NF1: variants seen among roughly 807,000 people sequenced by gnomAD.
The protein encoded by NF1 is neurofibromin 1, also known as neurofibromin.
NF1 carries 122 observed loss-of-function variants against 325.7 expected under a neutral mutation model. The observed-to-expected ratio is 0.37, with a 90% CI of 0.32 to 0.44. The LOEUF is 0.44. Among genes scored for constraint, NF1 ranks in the 20% least tolerant of loss-of-function variants. The pLI, the probability that NF1 is intolerant of heterozygous loss-of-function variation, is 1.00. For synonymous variants in NF1, 1,091 were observed against 1,186.0 expected (o/e 0.92, Z 1.65); for missense variants, 2,140 against 3,415.4 (o/e 0.63, Z 9.31).
chr17:31,232,606 C>T, intron 25 of NF1, 94 bp from the exon 26 acceptor site: 1 of 1,215,650 alleles, frequency 8.2e-7, no homozygotes, highest in Non-Finnish European at 1.2e-6. Flanking sequence ...CAGGGCCATT[C>T]ACACCATGCA....
At chr17:31,338,565 C>T in intron 45 of NF1, 139 bp from the exon 46 acceptor site, 1 of 664,598 alleles carries the variant, frequency 1.5e-6, no homozygotes, top group Admixed American at 2.6e-5. Flanking sequence ...AAGCTAGCTA[C>T]CAAGATCACC....
In NF1 at chr17:31,184,666, A is replaced by AAT. The variant is rs1567828038; in HGVS notation, c.888+2002_888+2003insTA. Among the ~76,000 whole-genome samples the AAT allele has an allele frequency of 2.4e-4, 34 of 140,606 alleles. 1 individual carries two copies. The highest frequency in any genetic ancestry group is 2.1e-3 in the East Asian group (10 of 4,848). 92.2% of individuals were successfully genotyped at this position (140,606 alleles called of 152,430 possible). A position where few individuals can be genotyped will look rare whatever the true frequency, so the allele number is the denominator to read the frequency against. The stretch of plus-strand genomic sequence containing the variant: ...CCGTCTCAAAAAAAAAAAATAAAAA[A>AAT]AAAAAATAAAAAAATAAAATAGAAA... On this transcript the variant is annotated intron_variant, in intron 8 of 57. Transcript: ENST00000358273.
chr17:31,172,563 A>G (rs1324247547), intron 5 of NF1, among the ~76,000 whole-genome samples: 1 of 152,102 alleles, frequency 6.6e-6, no homozygotes, highest in African/African-American at 2.4e-5. Context: ...ATCAATTCTT[A>G]CAATAACCCT....
chr17:31,158,980 C>G, intron 2 of NF1, 30 bp from the exon 3 acceptor site: 1 of 1,394,610 alleles, frequency 7.2e-7, no homozygotes, highest in African/African-American at 1.4e-5. Context: ...GTGAAACTAA[C>G]TTTTATGTTC....
Position 31,376,749 on chromosome 17 carries a change from C to G in NF1, c.*2594C>G, listed in dbSNP as rs544665500. 1 of 233,204 alleles carries G rather than the reference C, an allele frequency of 4.3e-6. No homozygotes were observed. The highest frequency in any genetic ancestry group is 1.8e-4 in the South Asian group (1 of 5,530). The allele number at this position is 233,204 out of a possible 1,614,324, so 14.4% of individuals were successfully genotyped here. ...TTCGGTTTGTAGATGTTTCCCCTGACTTGTTAAAGAGGAAACCAGGAACTC... is the reference window on the plus strand; with the variant it reads ...TTCGGTTTGTAGATGTTTCCCCTGAGTTGTTAAAGAGGAAACCAGGAACTC... On this transcript the variant is annotated 3_prime_UTR_variant, in exon 58 of 58. Coordinates refer to ENST00000358273, the MANE Select transcript of NF1 (RefSeq NM_001042492.3).
intron 40 of NF1, among the ~76,000 whole-genome samples, chr17:31,335,296 A>ATATATATATATAGG (rs1440930498): frequency 2.0e-5 from 1 of 50,080 alleles, no homozygotes; most frequent in Non-Finnish European, 3.2e-5. Flanking sequence ...ATATATATAT[A>ATATATATATATAGG]ATTATGCCTT....
rs199474760 is a variant in NF1, at chr17:31,223,470, A to G, written c.1748A>G (p.Lys583Arg). 6.2e-7 allele frequency: 1 copy of G among 1,612,950 alleles called. No individual in the cohort carries two copies. The highest frequency in any genetic ancestry group is 8.5e-7 in the Non-Finnish European group (1 of 1,179,280). Residue 583 changes from lysine to arginine, a missense_variant, in exon 16 of 58, where the codon AAG becomes AGG. Transcript: ENST00000358273. ...ISSQMLFYIC[K>R]KLTSHQMLSS... ...TCACAAATGCTTTTTTACATCTGCA[A>G]GAAATTAACTAGTCATCAAATGCTT...
At chr17:31,286,129 C>T (rs764057518) in intron 36 of NF1, among the ~76,000 whole-genome samples, 3 of 152,094 alleles carry the variant, frequency 2.0e-5, no homozygotes, top group African/African-American at 2.4e-5. Context: ...GAGTCTTGCT[C>T]TGTTGCCCAG....
chr17:31,339,724 C>T (rs2069769568), intron 46 of NF1, among the ~76,000 whole-genome samples: 1 of 152,150 alleles, frequency 6.6e-6, no homozygotes, highest in African/African-American at 2.4e-5. Context: ...CATGTATTTT[C>T]CCTAATATCA....
At chr17:31,331,398 G>A (rs2069482753) in intron 39 of NF1, 1 of 152,042 alleles carries the variant, frequency 6.6e-6, no homozygotes, top group Admixed American at 6.6e-5. Flanking sequence ...AATAACCATG[G>A]GATTTGAGGA....
intron 29 of NF1, among the ~76,000 whole-genome samples, chr17:31,242,357 C>T (rs1387049025): frequency 7.6e-6 from 1 of 131,718 alleles, no homozygotes; most frequent in African/African-American, 3.0e-5. Context: ...CTCTTGTCGC[C>T]CAGGCTGCAG....
chr17:31,325,711 A>G, intron 36 of NF1, 109 bp from the exon 37 acceptor site: 2 of 869,080 alleles, frequency 2.3e-6, no homozygotes, highest in Non-Finnish European at 3.6e-6. Flanking sequence ...GAATTGTTTT[A>G]TATTATTCTC....
chr17:31,230,520 C>T (rs1161589075), intron 23 of NF1, 138 bp downstream of exon 23: 15 of 1,065,534 alleles, frequency 1.4e-5, no homozygotes. Context: ...TTTTTCTCTA[C>T]ATCTCTTCTC....
At chr17:31,197,992 G>C (rs1053572635) in intron 8 of NF1, among the ~76,000 whole-genome samples, 1 of 152,126 alleles carries the variant, frequency 6.6e-6, no homozygotes, top group Admixed American at 6.5e-5. Context: ...CCTAGCTTGA[G>C]TGTTTTTTTA....
intron 54 of NF1, chr17:31,357,709 T>C: frequency 3.0e-6 from 1 of 338,792 alleles, no homozygotes; most frequent in Admixed American, 4.5e-5. Context: ...GCTTTTGTAT[T>C]TATCCACAGC....
chr17:31,310,811 G>A (rs906393020), intron 36 of NF1, among the ~76,000 whole-genome samples: 2 of 151,770 alleles, frequency 1.3e-5, no homozygotes, highest in African/African-American at 4.8e-5. Context: ...GGCACTTTGA[G>A]GTTTAAATCT....
chr17:31,226,721 C>G (rs1272274305), intron 18 of NF1, 37 bp downstream of exon 18: 1 of 1,611,744 alleles, frequency 6.2e-7, no homozygotes, highest in African/African-American at 1.3e-5. Context: ...CTCAGTCTGC[C>G]TCAAAGCACA....
intron 32 of NF1, 119 bp downstream of exon 32, chr17:31,258,621 G>T: frequency 9.1e-7 from 1 of 1,097,440 alleles, no homozygotes. Context: ...TCAGTTATGT[G>T]CTTTTGTTTT....
chr17:31,237,056 TTGTC>T (rs1236398381), intron 29 of NF1, among the ~76,000 whole-genome samples: 2 of 152,372 alleles, frequency 1.3e-5, no homozygotes, highest in Middle Eastern at 3.4e-3. Flanking sequence ...TAAGATGTTC[TTGTC>T]TGTCTTTCAG....
Sources: allele counts gnomAD v4.1 joint callset (sites outside exome capture counted in the v4.1 genomes callset), GRCh38; gene constraint gnomAD v4.1.1; transcripts MANE v1.5; gene names NCBI Gene and HGNC (gene_info 2026-07-23, HGNC 2026-07-21).